The following ACTG2 variants were observed in gnomAD, a reference collection of about 807,000 sequenced individuals.
ACTG2 encodes actin, gamma-enteric smooth muscle.
ACTG2 carries 16 observed loss-of-function variants against 37.6 expected under a neutral mutation model. That is an observed-to-expected ratio of 0.43 (90% CI 0.29 to 0.65). ACTG2 has a LOEUF of 0.65. Ranked by LOEUF, ACTG2 falls within the 30% of genes least tolerant of loss-of-function variation. ACTG2 has a pLI of 0.18. For missense variants in ACTG2, 238 were observed against 490.9 expected (o/e 0.48, Z 4.87); for synonymous variants, 181 against 179.9 (o/e 1.01, Z -0.05).
At chr2:73,900,145 A>T (rs1430913507) in intron 1 of ACTG2, among the ~76,000 whole-genome samples, 1 of 152,150 alleles carries the variant, frequency 6.6e-6, no homozygotes, top group African/African-American at 2.4e-5. Context: ...CACATCCTGG[A>T]TAAAACTTCA....
intron 5 of ACTG2, among the ~76,000 whole-genome samples, chr2:73,909,898 A>G (rs1385489751): frequency 6.6e-6 from 1 of 152,192 alleles, no homozygotes; most frequent in Non-Finnish European, 1.5e-5. Context: ...CACTGTACAC[A>G]TCGGCTGTAC....
At chr2:73,915,332 C>T (rs1680239813) in intron 7 of ACTG2, among the ~76,000 whole-genome samples, 1 of 143,762 alleles carries the variant, frequency 7.0e-6, no homozygotes, top group South Asian at 2.1e-4. Context: ...CCAGACTGGG[C>T]AACATAGCGA....
In ACTG2 at chr2:73,919,776, T is replaced by G. The variant is rs1029189940; in HGVS notation, c.*201T>G. 12 of 452,496 alleles carry G rather than the reference T, an allele frequency of 2.7e-5. No individual in the cohort carries two copies. The highest frequency in any genetic ancestry group is 4.4e-5 in the Non-Finnish European group (12 of 270,572). The allele number at this position is 452,496 out of a possible 1,614,324, so 28.0% of individuals were successfully genotyped here. On this transcript the variant is annotated 3_prime_UTR_variant, in exon 9 of 9. Coordinates refer to ENST00000345517, the MANE Select transcript of ACTG2 (RefSeq NM_001615.4). ...GGTAGGTGCTATCATTATACCCATA[T>G]TACAGATGAGGAAATTGAGGCTCAG...
At chr2:73,911,584 A>G (rs1680140954) in intron 5 of ACTG2, among the ~76,000 whole-genome samples, 1 of 152,246 alleles carries the variant, frequency 6.6e-6, no homozygotes, top group African/African-American at 2.4e-5. Context: ...TACATAATGT[A>G]TGTGCTGTAC....
intron 2 of ACTG2, 92 bp downstream of exon 2, chr2:73,901,529 GAA>G: frequency 3.7e-6 from 5 of 1,342,984 alleles, no homozygotes; most frequent in East Asian, 3.0e-5. Flanking sequence ...TTAGGGGAAG[GAA>G]ATGTGTGTGT....
chr2:73,910,809 C>T (rs1326877114), intron 5 of ACTG2, among the ~76,000 whole-genome samples: 3 of 152,044 alleles, frequency 2.0e-5, no homozygotes, highest in Non-Finnish European at 4.4e-5. Context: ...AGTGATCTGC[C>T]CACCTCAGCC....
chr2:73,904,274 A>G (rs562569069), intron 3 of ACTG2, among the ~76,000 whole-genome samples: 72 of 142,764 alleles, frequency 5.0e-4, no homozygotes, highest in Admixed American at 1.2e-3. Flanking sequence ...AAAAAAAAAG[A>G]AAGGAAGGAA....
Position 73,919,417 on chromosome 2 carries a change from A to G in ACTG2, c.988-15A>G. 1 of 1,612,076 alleles carries G rather than the reference A, an allele frequency of 6.2e-7. No homozygotes were observed. The highest frequency in any genetic ancestry group is 8.5e-7 in the Non-Finnish European group (1 of 1,179,592). On this transcript the variant is annotated splice_polypyrimidine_tract_variant and intron_variant, in intron 8 of 8. Transcript: ENST00000345517. ...TTGGGGACTGATCATGATTCACCAC[A>G]TTTGTTCTTTGCAGATTATTGCTCC...
At chr2:73,898,791 C>CTTTTTTTTTT (rs1183989476) in intron 1 of ACTG2, among the ~76,000 whole-genome samples, 1 of 92,914 alleles carries the variant, frequency 1.1e-5, no homozygotes, top group Non-Finnish European at 2.5e-5. Context: ...TTTTTCTTTT[C>CTTTTTTTTTT]TTTTTTTTTT....
At chr2:73,906,517 G>T (rs1680019947) in intron 3 of ACTG2, among the ~76,000 whole-genome samples, 1 of 151,850 alleles carries the variant, frequency 6.6e-6, no homozygotes, top group Non-Finnish European at 1.5e-5. Flanking sequence ...ATCTTCCTCT[G>T]TCGCCCAGGC....
At chr2:73,897,840 AAG>A (rs1200075025) in intron 1 of ACTG2, among the ~76,000 whole-genome samples, 6 of 152,202 alleles carry the variant, frequency 3.9e-5, no homozygotes, top group African/African-American at 1.2e-4. Context: ...GCAGAAGAGC[AAG>A]AGAGAGTGAG....
intron 1 of ACTG2, among the ~76,000 whole-genome samples, chr2:73,895,629 C>T (rs1679730493): frequency 1.3e-5 from 2 of 152,318 alleles, no homozygotes; most frequent in East Asian, 3.9e-4. Context: ...TTAGGCCTAA[C>T]ACTTTCTGTC....
At chr2:73,903,056 A>G in intron 3 of ACTG2, 1 of 255,928 alleles carries the variant, frequency 3.9e-6, no homozygotes, top group Non-Finnish European at 7.4e-6. Flanking sequence ...GAAAGTTTCT[A>G]AGTAGAACTC....
intron 1 of ACTG2, among the ~76,000 whole-genome samples, chr2:73,895,568 A>C (rs1261785358): frequency 6.6e-6 from 1 of 152,180 alleles, no homozygotes; most frequent in Non-Finnish European, 1.5e-5. Context: ...CTCACCCAAA[A>C]ACCTGTCGCC....
At chr2:73,898,960 G>A (rs1276058449) in intron 1 of ACTG2, among the ~76,000 whole-genome samples, 3 of 151,668 alleles carry the variant, frequency 2.0e-5, no homozygotes, top group Non-Finnish European at 2.9e-5. Flanking sequence ...CCGCCACCAT[G>A]CCTGGGTAAT....
intron 7 of ACTG2, among the ~76,000 whole-genome samples, chr2:73,915,400 G>T (rs987275579): frequency 2.0e-5 from 3 of 151,576 alleles, no homozygotes; most frequent in African/African-American, 7.3e-5. Flanking sequence ...CATGCCCATG[G>T]TCCCAGATAC....
At chr2:73,908,904 G>A in intron 4 of ACTG2, 121 bp downstream of exon 4, 2 of 1,197,660 alleles carry the variant, frequency 1.7e-6, no homozygotes, top group East Asian at 2.4e-5. Flanking sequence ...TATGTCTGTG[G>A]TCCATGCCAG....
intron 3 of ACTG2, among the ~76,000 whole-genome samples, chr2:73,904,777 G>GTGTGTGTATATATATATATATA (rs1427483105): frequency 4.7e-5 from 2 of 42,630 alleles, no homozygotes; most frequent in African/African-American, 7.8e-5. Context: ...GTGTGTGTGT[G>GTGTGTGTATATATATATATATA]TATATATATA....
chr2:73,911,256 G>T (rs562126993), intron 5 of ACTG2, among the ~76,000 whole-genome samples: 1 of 152,186 alleles, frequency 6.6e-6, no homozygotes, highest in Non-Finnish European at 1.5e-5. Context: ...CACTTTGGGA[G>T]GCCGAGGTGG....
Sources: gnomAD v4.1 joint callset for allele counts (sites outside exome capture counted in the v4.1 genomes callset) on GRCh38, gnomAD v4.1.1 for gene constraint, MANE v1.5 for transcripts, NCBI Gene and HGNC (gene_info 2026-07-23, HGNC 2026-07-21) for gene names.